The following DENND2B variants were observed in gnomAD, a reference collection of about 807,000 sequenced individuals.
The protein encoded by DENND2B is DENN domain containing 2B.
A neutral mutation model predicts 116.0 loss-of-function variants in DENND2B; 32 were observed. The ratio of observed to expected loss-of-function variants is 0.28; its 90% CI spans 0.21 to 0.37. The LOEUF (loss-of-function observed/expected upper bound fraction) is 0.37, where lower values mean the gene tolerates loss of function less well. Ranked by LOEUF, DENND2B falls within the 10% of genes least tolerant of loss-of-function variation. The pLI is 1.00. For missense variants in DENND2B, 1,276 were observed against 1,477.7 expected, an observed-to-expected ratio of 0.86 and a Z score of 2.24; for synonymous variants, 588 against 583.9, an observed-to-expected ratio of 1.01 and a Z score of -0.10.
chr11:8,837,795 T>C (rs980959219), intron 4 of DENND2B, among the ~76,000 whole-genome samples: 5 of 152,208 alleles, frequency 3.3e-5, no homozygotes, highest in Non-Finnish European at 7.3e-5. Flanking sequence ...AGCTTGGACA[T>C]GTTAGCAAAC....
chr11:8,738,870 C>T (rs1217208141), intron 2 of DENND2B, among the ~76,000 whole-genome samples: 1 of 152,176 alleles, frequency 6.6e-6, no homozygotes, highest in Non-Finnish European at 1.5e-5. Context: ...CCCTTAGGCA[C>T]ATCCAACTCT....
chr11:8,860,026 G>A (rs1355974381), intron 2 of DENND2B, among the ~76,000 whole-genome samples: 1 of 152,106 alleles, frequency 6.6e-6, no homozygotes, highest in East Asian at 1.9e-4. Context: ...AAAAACAGGA[G>A]CATCAAAACT....
At chr11:8,819,450 T>C (rs185759629) in intron 4 of DENND2B, among the ~76,000 whole-genome samples, 1 of 151,966 alleles carries the variant, frequency 6.6e-6, no homozygotes, top group African/African-American at 2.4e-5. Context: ...CCTCAAAGTA[T>C]CTCTCCCAGA....
intron 1 of DENND2B, among the ~76,000 whole-genome samples, chr11:8,800,369 A>C (rs966030524): frequency 6.6e-6 from 1 of 152,196 alleles, no homozygotes; most frequent in Non-Finnish European, 1.5e-5. Context: ...TACCTCCACT[A>C]AGGAGTACGG....
At chr11:8,699,057 C>T in intron 15 of DENND2B, 83 bp from the exon 16 acceptor site, 2 of 1,578,376 alleles carry the variant, frequency 1.3e-6, no homozygotes, top group Non-Finnish European at 1.7e-6. Flanking sequence ...CTCCCAGGTT[C>T]CCAGGGTCAG....
chr11:8,844,994 G>A (rs1432690836), intron 3 of DENND2B, among the ~76,000 whole-genome samples: 5 of 151,904 alleles, frequency 3.3e-5, no homozygotes, highest in South Asian at 2.1e-4. Flanking sequence ...CTCCTGCCTC[G>A]GCTTTCCAAA....
At chr11:8,764,679 A>G (rs1018134382) in intron 1 of DENND2B, among the ~76,000 whole-genome samples, 1 of 152,178 alleles carries the variant, frequency 6.6e-6, no homozygotes, top group Non-Finnish European at 1.5e-5. Context: ...ATAAAGAATT[A>G]GAAAAGGGGC....
chr11:8,886,089 C>A (rs1351895110), intron 1 of DENND2B, among the ~76,000 whole-genome samples: 1 of 152,006 alleles, frequency 6.6e-6, no homozygotes, highest in Admixed American at 6.6e-5. Flanking sequence ...TACAGGTCCA[C>A]ATCAGGCTAA....
chr11:8,845,723 G>A (rs1430695893), intron 3 of DENND2B, among the ~76,000 whole-genome samples: 1 of 152,202 alleles, frequency 6.6e-6, no homozygotes, highest in Non-Finnish European at 1.5e-5. Context: ...CCTTTGGAAA[G>A]GGGACATAGA....
chr11:8,803,481 T>C (rs896174308), intron 1 of DENND2B, among the ~76,000 whole-genome samples: 6 of 152,132 alleles, frequency 3.9e-5, no homozygotes, highest in African/African-American at 1.4e-4. Flanking sequence ...TCAAGTTACT[T>C]CCCCAAGATC....
intron 3 of DENND2B, among the ~76,000 whole-genome samples, chr11:8,843,076 G>A (rs913085439): frequency 1.3e-5 from 2 of 151,980 alleles, no homozygotes; most frequent in African/African-American, 4.8e-5. Flanking sequence ...GAGTGCAGTG[G>A]CGCGATCTCG....
intron 3 of DENND2B, among the ~76,000 whole-genome samples, chr11:8,839,925 G>A (rs1305390499): frequency 6.6e-6 from 1 of 152,112 alleles, no homozygotes; most frequent in African/African-American, 2.4e-5. Flanking sequence ...CAGATGAATT[G>A]CTTCCTGATT....
At chr11:8,903,776 C>T (rs1055017463) in intron 1 of DENND2B, among the ~76,000 whole-genome samples, 4 of 151,012 alleles carry the variant, frequency 2.6e-5, no homozygotes, top group African/African-American at 7.3e-5. Context: ...GTAGTCCCAG[C>T]TACTCGAGTG....
At position 8,730,079 on chromosome 11, in the gene DENND2B, C is replaced by T. The variant is rs200758956; in HGVS notation, c.1211G>A (p.Ser404Asn). 114 of 1,614,044 alleles carry T rather than the reference C, an allele frequency of 7.1e-5. No individual in the cohort carries two copies. The Middle Eastern group carries it at 8.2e-4, about 12-fold the overall frequency. Residue 404 changes from serine (S) to asparagine (N), a missense_variant, in exon 3 of 20, where the codon AGT (serine) becomes AAT (asparagine). Transcript: ENST00000313726. This position sits in a 1 kb window ranked among gnomAD's most constrained non-coding sequence, Gnocchi z 4.1. Reference protein sequence around the residue: ...FEYEADKNPKSKPSNGLPPSP... With the variant: ...FEYEADKNPKNKPSNGLPPSP... ...AGGAGGTAGACCATTACTGGGCTTA[C>T]TCTTGGGGTTCTTGTCAGCCTCGTA...
At chr11:8,849,970 A>G (rs1448377954) in intron 3 of DENND2B, among the ~76,000 whole-genome samples, 2 of 151,362 alleles carry the variant, frequency 1.3e-5, no homozygotes, top group African/African-American at 4.9e-5. Context: ...CCCCGTCTCT[A>G]GAAAAAATAC....
At chr11:8,718,260 C>A in intron 4 of DENND2B, 1 of 1,159,804 alleles carries the variant, frequency 8.6e-7, no homozygotes, top group Admixed American at 2.0e-5. Flanking sequence ...CCCTCTGCTG[C>A]AAACACCCCA....
intron 1 of DENND2B, chr11:8,784,084 T>C (rs2058657655): frequency 6.6e-6 from 1 of 152,104 alleles, no homozygotes; most frequent in South Asian, 2.1e-4. Context: ...GAAAGATTCT[T>C]GGGTAGAACT....
At chr11:8,809,105 T>A (rs1429584758) in intron 1 of DENND2B, 2 of 152,230 alleles carry the variant, frequency 1.3e-5, no homozygotes, top group Admixed American at 6.5e-5. Flanking sequence ...AGGTTTCAAC[T>A]AAGCAAAGGA....
intron 2 of DENND2B, among the ~76,000 whole-genome samples, chr11:8,864,060 G>C (rs1325625561): frequency 6.6e-6 from 1 of 152,092 alleles, no homozygotes; most frequent in Non-Finnish European, 1.5e-5. Context: ...AACAGTAAAT[G>C]TAATCCAACA....
Sources: allele counts gnomAD v4.1 joint callset (sites outside exome capture counted in the v4.1 genomes callset), GRCh38; gene constraint gnomAD v4.1.1; non-coding constraint Gnocchi (gnomAD v3.1); transcripts MANE v1.5; gene names NCBI Gene and HGNC (gene_info 2026-07-23, HGNC 2026-07-21).